The following LAMA2 variants were observed in gnomAD, a reference collection of about 807,000 sequenced individuals.
LAMA2 encodes the protein laminin subunit alpha-2.
In LAMA2, 269 loss-of-function variants were observed where a neutral mutation model predicts 364.8. The ratio of observed to expected loss-of-function variants is 0.74; its 90% confidence interval spans 0.67 to 0.82. The LOEUF (loss-of-function observed/expected upper bound fraction) is 0.82. Among genes scored for constraint, LAMA2 ranks in the 40% least tolerant of loss-of-function variants. The pLI is 0.00. For synonymous variants in LAMA2, 1,379 were observed against 1,370.6 expected (o/e 1.01, Z -0.14); for missense variants, 3,807 against 3,873.2 (o/e 0.98, Z 0.45).
chr6:129,227,045 T>G (rs1318681918), intron 12 of LAMA2, among the ~76,000 whole-genome samples: 1 of 152,164 alleles, frequency 6.6e-6, no homozygotes. Context: ...TACTCTTTTT[T>G]CTCTAAACTT....
intron 53 of LAMA2, 145 bp downstream of exon 53, chr6:129,475,546 G>T: frequency 1.7e-6 from 1 of 603,212 alleles, no homozygotes; most frequent in South Asian, 2.3e-5. Context: ...TGCATTCTGT[G>T]AGAGTTCTCC....
At chr6:128,997,322 G>C (rs557275659) in intron 1 of LAMA2, among the ~76,000 whole-genome samples, 5 of 133,942 alleles carry the variant, frequency 3.7e-5, no homozygotes, top group South Asian at 2.7e-4. Flanking sequence ...AACAAAGAGA[G>C]AGAGAGAAAG....
chr6:129,020,654 G>A (rs902345987), intron 1 of LAMA2, among the ~76,000 whole-genome samples: 11 of 152,126 alleles, frequency 7.2e-5, no homozygotes, highest in South Asian at 2.1e-4. Context: ...GTGGTGTCCC[G>A]GGAGTTTCCT....
chr6:129,270,608 C>T lies in LAMA2; in HGVS notation c.2323-16C>T. On this transcript the variant is annotated splice_polypyrimidine_tract_variant and intron_variant, in intron 16 of 64. Transcript: ENST00000421865. The stretch of plus-strand genomic sequence containing the variant: ...GACACCAAAATAATAAACTCTGATG[C>T]TCATTTCTTTCTCAGAACTGTAAGG... 6.2e-7 allele frequency: 1 copy of T among 1,612,514 alleles called. No individual in the cohort carries two copies.
chr6:128,994,488 T>C (rs1783803559), intron 1 of LAMA2, among the ~76,000 whole-genome samples: 1 of 152,256 alleles, frequency 6.6e-6, no homozygotes, highest in Admixed American at 6.5e-5. Flanking sequence ...GAGTAATTCT[T>C]GTTCACTTAT....
chr6:128,998,681 T>C (rs569035259), intron 1 of LAMA2, among the ~76,000 whole-genome samples: 6 of 50,104 alleles, frequency 1.2e-4, no homozygotes. Flanking sequence ...AATATTGCGC[T>C]TTTCAGACCG....
intron 45 of LAMA2, among the ~76,000 whole-genome samples, chr6:129,449,124 T>G (rs1030760121): frequency 3.3e-5 from 5 of 152,190 alleles, no homozygotes; most frequent in African/African-American, 1.2e-4. Context: ...ATGTTTCAGT[T>G]TCTGAGAGTA....
At chr6:128,887,920 T>C (rs1375329683) in intron 1 of LAMA2, among the ~76,000 whole-genome samples, 2 of 152,060 alleles carry the variant, frequency 1.3e-5, no homozygotes, top group Non-Finnish European at 2.9e-5. Context: ...TTGCAACTTA[T>C]CATCTATCCA....
chr6:129,356,186 C>T (rs1777143744), intron 32 of LAMA2, among the ~76,000 whole-genome samples: 1 of 152,056 alleles, frequency 6.6e-6, no homozygotes, highest in South Asian at 2.1e-4. Context: ...ATTTTCACTA[C>T]TATCATGAAG....
intron 17 of LAMA2, 51 bp from the exon 18 acceptor site, chr6:129,280,010 T>C: frequency 8.5e-7 from 1 of 1,176,700 alleles, no homozygotes; most frequent in Non-Finnish European, 1.3e-6. Flanking sequence ...CTAATGACTT[T>C]GTGTATGTCC....
At chr6:129,096,605 C>G (rs1157357823) in intron 3 of LAMA2, among the ~76,000 whole-genome samples, 2 of 152,170 alleles carry the variant, frequency 1.3e-5, no homozygotes, top group Non-Finnish European at 2.9e-5. Context: ...GCTCAAAGCC[C>G]AGACCCCTCA....
chr6:128,959,925 A>G (rs978941844), intron 1 of LAMA2, among the ~76,000 whole-genome samples: 12 of 152,142 alleles, frequency 7.9e-5, no homozygotes, highest in African/African-American at 2.9e-4. Flanking sequence ...ATTATAAAAA[A>G]TTAATATATT....
At chr6:129,291,535 T>C (rs1789701893) in intron 19 of LAMA2, 79 bp from the exon 20 acceptor site, 3 of 959,290 alleles carry the variant, frequency 3.1e-6, no homozygotes, top group African/African-American at 3.3e-5. Flanking sequence ...TGTTACCATG[T>C]GGGGTATATT....
intron 29 of LAMA2, among the ~76,000 whole-genome samples, chr6:129,332,527 A>G (rs1775716619): frequency 6.6e-6 from 1 of 152,142 alleles, no homozygotes; most frequent in Non-Finnish European, 1.5e-5. Context: ...TTTAATTACA[A>G]TCAAAATTAC....
chr6:128,938,281 GAAATA>G (rs1271692475), intron 1 of LAMA2, among the ~76,000 whole-genome samples: 5 of 152,122 alleles, frequency 3.3e-5, no homozygotes, highest in Non-Finnish European at 5.9e-5. Flanking sequence ...AAGATGAAAT[GAAATA>G]GTCAGTAGAA....
intron 1 of LAMA2, among the ~76,000 whole-genome samples, chr6:129,046,857 T>C (rs1295941755): frequency 6.6e-6 from 1 of 152,198 alleles, no homozygotes; most frequent in Non-Finnish European, 1.5e-5. Flanking sequence ...CTTCTATTTC[T>C]CCTTGAAAAT....
At chr6:129,390,428 T>A (rs143939039) in intron 35 of LAMA2, among the ~76,000 whole-genome samples, 11 of 151,996 alleles carry the variant, frequency 7.2e-5, no homozygotes, top group Non-Finnish European at 1.5e-4. Flanking sequence ...CTCTGCCCAG[T>A]GCAAAACTCT....
chr6:128,888,946 C>T (rs1000260797), intron 1 of LAMA2, among the ~76,000 whole-genome samples: 2 of 152,176 alleles, frequency 1.3e-5, no homozygotes, highest in East Asian at 3.9e-4. Context: ...TGATAGAACA[C>T]ATTTAAGTGA....
At chr6:129,089,768 T>A (rs983985188) in intron 3 of LAMA2, among the ~76,000 whole-genome samples, 1 of 152,238 alleles carries the variant, frequency 6.6e-6, no homozygotes, top group Non-Finnish European at 1.5e-5. Context: ...AGCAACTTAA[T>A]GAAGCATGGC....
Sources: gnomAD v4.1 joint callset for allele counts (sites outside exome capture counted in the v4.1 genomes callset) on GRCh38, gnomAD v4.1.1 for gene constraint, MANE v1.5 for transcripts, NCBI Gene and HGNC (gene_info 2026-07-23, HGNC 2026-07-21) for gene names.